NIN: variants seen among roughly 807,000 people sequenced by gnomAD.
NIN encodes the protein ninein.
NIN carries 137 observed loss-of-function variants against 257.6 expected under a neutral mutation model. That is an observed-to-expected ratio of 0.53 (90% confidence interval 0.46 to 0.61). The LOEUF (loss-of-function observed/expected upper bound fraction) is 0.61. Ranked by LOEUF, NIN falls within the 20% of genes least tolerant of loss-of-function variation. The pLI, the probability that NIN is intolerant of heterozygous loss-of-function variation, is 0.00. For synonymous variants in NIN, 918 were observed against 919.8 expected (o/e 1.00, Z 0.04); for missense variants, 2,439 against 2,501.2 (o/e 0.98, Z 0.53).
chr14:50,785,914 C>T (rs941420204), intron 5 of NIN, among the ~76,000 whole-genome samples: 11 of 152,146 alleles, frequency 7.2e-5, no homozygotes, highest in African/African-American at 1.2e-4. Flanking sequence ...TTCTGAACTC[C>T]CGGACAAGCT....
At chr14:50,806,598 G>C in intron 4 of NIN, 139 bp downstream of exon 4, 1 of 531,206 alleles carries the variant, frequency 1.9e-6, no homozygotes, top group Non-Finnish European at 3.3e-6. Context: ...TAATATTGAA[G>C]AGAAGTCACC....
At position 50,726,027 on chromosome 14, in the gene NIN, T is replaced by C; in HGVS notation, c.6118A>G (p.Met2040Val). 1 of 1,614,074 alleles carries C rather than the reference T, an allele frequency of 6.2e-7. No individual in the cohort carries two copies. Among genetic ancestry groups the C allele is most frequent in the Non-Finnish European group, 8.5e-7 (1 of 1,179,948 alleles). ...EQLVTVMEERMIEVEQKLKLV... is the reference protein window; with the variant it reads ...EQLVTVMEERVIEVEQKLKLV... Reference sequence around the variant, plus strand: ...TTCAGTTTCTGTTCAACTTCTATCATTCGTTCCTCCATGACAGTTACCAGT... The same window carrying C: ...TTCAGTTTCTGTTCAACTTCTATCACTCGTTCCTCCATGACAGTTACCAGT... Residue 2040 changes from methionine (M) to valine (V), a missense_variant, in exon 30 of 31, where the codon ATG becomes GTG. Around this residue, in one of 3 missense-constraint regions of NIN, gnomAD observed 2,043 missense variants for 2,050.2 expected, o/e 1.00. Transcript: ENST00000530997.
chr14:50,794,747 A>G (rs1176905558), intron 4 of NIN, among the ~76,000 whole-genome samples: 1 of 148,434 alleles, frequency 6.7e-6, no homozygotes, highest in African/African-American at 2.6e-5. Context: ...TGCATGCTGC[A>G]CTTATTCAGA....
chr14:50,726,748 G>C (rs891806872), intron 29 of NIN, among the ~76,000 whole-genome samples: 3 of 152,198 alleles, frequency 2.0e-5, no homozygotes, highest in Admixed American at 2.0e-4. Context: ...AGAGGAGAGA[G>C]ACCTAGAGAG....
intron 20 of NIN, 52 bp downstream of exon 20, chr14:50,754,511 T>C: frequency 1.4e-6 from 2 of 1,446,194 alleles, no homozygotes; most frequent in Admixed American, 1.9e-5. Flanking sequence ...TTTCAAAAAA[T>C]GGGAAAATTT....
Position 50,754,566 on chromosome 14 carries a change from TTTC to T in NIN, c.4728_4730del (p.Lys1577del). On this transcript the variant is annotated inframe_deletion, in exon 20 of 31. Transcript: ENST00000530997. ...GAAATATTAAGTATTTCCTTACCTG[TTTC>T]TTTAAATTTTCAACCATCTTCTGAA... The T allele has an allele frequency of 1.2e-6, 2 of 1,602,802 alleles. No homozygotes were observed. The highest frequency in any genetic ancestry group is 1.7e-6 in the Non-Finnish European group (2 of 1,175,872).
At chr14:50,723,780 G>T (rs1019689597) in intron 30 of NIN, 108 bp from the exon 31 acceptor site, 1 of 845,328 alleles carries the variant, frequency 1.2e-6, no homozygotes, top group East Asian at 2.6e-5. Context: ...AAATCACTTC[G>T]TCTAATTATA....
intron 29 of NIN, 121 bp downstream of exon 29, chr14:50,729,402 T>C (rs2040579652): frequency 6.7e-6 from 6 of 901,488 alleles, no homozygotes; most frequent in Non-Finnish European, 9.9e-6. Context: ...CCCAAGTAGC[T>C]GGGACTACAG....
Position 50,739,346 on chromosome 14 carries a change from G to A in NIN, c.5590C>T (p.Gln1864Ter). Residue 1864 changes from glutamine to a stop codon, truncating the protein, a stop_gained, in exon 26 of 31, where the codon CAG becomes TAG. Coordinates refer to ENST00000530997, the MANE Select transcript of NIN (RefSeq NM_020921.4). LOFTEE classifies it high-confidence loss of function. Reference sequence around the variant, plus strand: ...TGCGTGAGTTCGGCTTTGGTGTTCTGTACCATGGTCTGGAGCCTCTCATTC... The same window carrying A: ...TGCGTGAGTTCGGCTTTGGTGTTCTATACCATGGTCTGGAGCCTCTCATTC... ...QENERLQTMVQNTKAELTHSR... is the reference protein window; with the variant it reads ...QENERLQTMV 1.2e-6 allele frequency: 2 copies of A among 1,614,142 alleles called. No individual in the cohort carries two copies. The highest frequency in any genetic ancestry group is 1.7e-6 in the Non-Finnish European group (2 of 1,180,024).
intron 2 of NIN, chr14:50,823,497 T>G (rs2045329138): frequency 7.5e-6 from 2 of 266,102 alleles, no homozygotes; most frequent in African/African-American, 2.3e-5. Flanking sequence ...ATAAAAGAGC[T>G]TTCTAAAACA....
rs775795305 is a variant in NIN, at chr14:50,822,027, C to T, written c.30G>A (p.Glu10=). The change falls in exon 3 of 31, where the codon GAG becomes GAA. Residue 10 remains glutamate (E), a synonymous_variant. Coordinates refer to ENST00000530997, the MANE Select transcript of NIN (RefSeq NM_020921.4). ...TGTCAAACAGCTCCTTGAGTCGGGCCTCATGCTGGTCCTGCTCCACCTCAT... is the reference window on the plus strand; with the variant it reads ...TGTCAAACAGCTCCTTGAGTCGGGCTTCATGCTGGTCCTGCTCCACCTCAT... MDEVEQDQH[E]ARLKELFDSF... The T allele has an allele frequency of 5.6e-6, 9 of 1,613,944 alleles. No individual in the cohort carries two copies. Among genetic ancestry groups the T allele is most frequent in the Non-Finnish European group, 7.6e-6 (9 of 1,179,860 alleles).
intron 5 of NIN, among the ~76,000 whole-genome samples, chr14:50,786,866 T>C (rs2043368592): frequency 6.6e-6 from 1 of 152,258 alleles, no homozygotes; most frequent in Admixed American, 6.5e-5. Context: ...ATTCATAAAC[T>C]GCAAAGTTAT....
rs746748748 is a variant in NIN, at chr14:50,760,103, T to G, written c.2153A>C (p.Lys718Thr). ...CTCCATCTCATGTTGCAGCCTCAGC[T>G]TCTCCTGCAGGTGAGTCTTTTCCTC... ...LEEEKTHLQE[K>T]LRLQHEMELK... The change falls in exon 17 of 31, where the codon AAG becomes ACG. Residue 718 changes from lysine (K) to threonine (T), a missense_variant. Lys to Thr is a moderately conservative substitution (Grantham distance 78). Coordinates refer to ENST00000530997, the MANE Select transcript of NIN (RefSeq NM_020921.4). The G allele has an allele frequency of 3.1e-6, 5 of 1,614,102 alleles. No individual in the cohort carries two copies. The South Asian group carries it at 5.5e-5, about 18-fold the overall frequency.
chr14:50,741,401 G>C (rs2041273426), intron 25 of NIN, among the ~76,000 whole-genome samples, 181 bp downstream of exon 25: 1 of 152,158 alleles, frequency 6.6e-6, no homozygotes, highest in Non-Finnish European at 1.5e-5. Context: ...ACAAGAGAGA[G>C]CCTGCTGAGT....
chr14:50,760,981 A>G (rs537971944), intron 16 of NIN, among the ~76,000 whole-genome samples: 1 of 152,192 alleles, frequency 6.6e-6, no homozygotes, highest in Non-Finnish European at 1.5e-5. Context: ...GTCTTAAAAT[A>G]CTTAATTAAA....
At chr14:50,799,770 T>C (rs1435047960) in intron 4 of NIN, among the ~76,000 whole-genome samples, 6 of 152,174 alleles carry the variant, frequency 3.9e-5, no homozygotes, top group Admixed American at 3.9e-4. Context: ...GGTCAGGAGT[T>C]TGAGACCAGC....
chr14:50,759,556 C>T (rs535592580), intron 17 of NIN, among the ~76,000 whole-genome samples: 3 of 151,604 alleles, frequency 2.0e-5, no homozygotes, highest in East Asian at 1.9e-4. Context: ...TGCAGTAGCG[C>T]GATCTCGGCT....
chr14:50,791,220 T>C (rs2043575506), intron 5 of NIN, among the ~76,000 whole-genome samples: 1 of 152,236 alleles, frequency 6.6e-6, no homozygotes, highest in Non-Finnish European at 1.5e-5. Flanking sequence ...ACGAACACTG[T>C]ACTAACTGAA....
At chr14:50,761,977 G>C (rs1410672369) in intron 15 of NIN, 66 bp from the exon 16 acceptor site, 28 of 1,546,874 alleles carry the variant, frequency 1.8e-5, no homozygotes, top group Non-Finnish European at 2.0e-5. Flanking sequence ...TGGCATCTGA[G>C]GAGGGACATC....
Sources: allele counts gnomAD v4.1 joint callset (sites outside exome capture counted in the v4.1 genomes callset), GRCh38; gene constraint gnomAD v4.1.1; regional missense constraint gnomAD v4.1.1; transcripts MANE v1.5; gene names NCBI Gene and HGNC (gene_info 2026-07-23, HGNC 2026-07-21).